The following GIPC2 variants were observed in gnomAD, a reference collection of about 807,000 sequenced individuals.
GIPC2 encodes the protein GIPC PDZ domain containing family member 2, also known as PDZ domain-containing protein GIPC2.
In GIPC2, 30 loss-of-function variants were observed where a neutral mutation model predicts 30.6. The ratio of observed to expected loss-of-function variants is 0.98; its 90% CI spans 0.73 to 1.33. GIPC2 has a LOEUF of 1.33. Ranked by LOEUF, GIPC2 falls within the 40% of genes most tolerant of loss-of-function variation. The pLI, the probability that GIPC2 is intolerant of heterozygous loss-of-function variation, is 0.00. For synonymous variants in GIPC2, 167 were observed against 150.0 expected (o/e 1.11, Z -0.83); for missense variants, 414 against 390.3 (o/e 1.06, Z -0.51).
At chr1:78,112,305 A>G (rs1662480089) in intron 3 of GIPC2, among the ~76,000 whole-genome samples, 1 of 152,068 alleles carries the variant, frequency 6.6e-6, no homozygotes, top group South Asian at 2.1e-4. Flanking sequence ...CCCCTTTACA[A>G]CTATTTCCAG....
intron 1 of GIPC2, among the ~76,000 whole-genome samples, chr1:78,051,657 G>A (rs192464121): frequency 7.3e-4 from 111 of 152,180 alleles, no homozygotes; most frequent in African/African-American, 2.4e-3. Flanking sequence ...ATGCCACCAT[G>A]CCCAGCTAAT....
chr1:78,045,439 G>A (rs77611954), upstream of GIPC2: 8,868 of 374,692 alleles, frequency 0.024, 130 homozygotes, highest in Non-Finnish European at 0.029. Flanking sequence ...CAGAGCTGGG[G>A]CAAATGGCTT....
At chr1:78,127,125 T>A (rs1662797458) in intron 5 of GIPC2, among the ~76,000 whole-genome samples, 1 of 152,242 alleles carries the variant, frequency 6.6e-6, no homozygotes. Context: ...TCTACATTTT[T>A]TAAAGGTAAG....
At chr1:78,094,264 G>C (rs1423076101) in intron 2 of GIPC2, among the ~76,000 whole-genome samples, 2 of 152,222 alleles carry the variant, frequency 1.3e-5, no homozygotes, top group Non-Finnish European at 2.9e-5. Context: ...AAATGATTCA[G>C]TAATCACTAA....
chr1:78,120,477 C>T (rs1235265629), intron 4 of GIPC2, among the ~76,000 whole-genome samples: 1 of 152,150 alleles, frequency 6.6e-6, no homozygotes, highest in African/African-American at 2.4e-5. Context: ...CTCCCTCCAC[C>T]CCTCCCACTG....
chr1:78,065,545 CTG>C (rs1203644033), intron 1 of GIPC2, among the ~76,000 whole-genome samples: 2 of 147,410 alleles, frequency 1.4e-5, no homozygotes, highest in African/African-American at 2.5e-5. Flanking sequence ...AAAAAAAAAA[CTG>C]TTTTAAAATT....
At chr1:78,099,631 G>A (rs1662202449) in intron 3 of GIPC2, among the ~76,000 whole-genome samples, 1 of 151,888 alleles carries the variant, frequency 6.6e-6, no homozygotes, top group Admixed American at 6.6e-5. Flanking sequence ...GTAGAGACAG[G>A]GTTTCATTGT....
chr1:78,104,730 CAAT>C (rs1238219994), intron 3 of GIPC2, among the ~76,000 whole-genome samples: 5 of 152,074 alleles, frequency 3.3e-5, no homozygotes, highest in Non-Finnish European at 5.9e-5. Context: ...CCTGTGATAA[CAAT>C]GATGCTATAA....
chr1:78,100,941 T>C lies in GIPC2; in HGVS notation c.607+5809T>C, dbSNP rs3960037. Among the ~76,000 whole-genome samples, 58 of 114,872 alleles carry C rather than the reference T, an allele frequency of 5.0e-4. 1 individual carries two copies. Among genetic ancestry groups the C allele is most frequent in the Non-Finnish European group, 9.2e-4 (52 of 56,574 alleles). 75.4% of individuals were successfully genotyped at this position (114,872 alleles called of 152,430 possible). On this transcript the variant is annotated intron_variant, in intron 3 of 5. Transcript: ENST00000370759. The stretch of plus-strand genomic sequence containing the variant: ...TGAGACCCTGTCAAAAAAAAAAAAA[T>C]ACACACACACACACACACACACACA...
At chr1:78,104,953 A>G (rs375628539) in intron 3 of GIPC2, among the ~76,000 whole-genome samples, 2 of 152,172 alleles carry the variant, frequency 1.3e-5, no homozygotes, top group African/African-American at 2.4e-5. Context: ...GCCTCTTCGT[A>G]TCTAGCTACA....
chr1:78,074,975 A>G (rs971233876), intron 1 of GIPC2, among the ~76,000 whole-genome samples: 1 of 152,242 alleles, frequency 6.6e-6, no homozygotes, highest in African/African-American at 2.4e-5. Flanking sequence ...TAATGATTCT[A>G]TCAGTTAGGA....
Position 78,051,272 on chromosome 1 carries a change from A to G in GIPC2, c.240+4938A>G, listed in dbSNP as rs145418958. Reference sequence around the variant, plus strand: ...GAAATATTATTAACAAAAAAAAGATAAATTTTATAGTTAGAAATTTTACAT... The same window carrying G: ...GAAATATTATTAACAAAAAAAAGATGAATTTTATAGTTAGAAATTTTACAT... On this transcript the variant is annotated intron_variant, in intron 1 of 5. Coordinates refer to ENST00000370759, the MANE Select transcript of GIPC2 (RefSeq NM_017655.6). Among the ~76,000 whole-genome samples, 890 of 152,196 alleles carry G rather than the reference A, an allele frequency of 5.8e-3. 13 individuals carry two copies. The highest frequency in any genetic ancestry group is 0.021 in the African/African-American group (856 of 41,528).
intron 1 of GIPC2, among the ~76,000 whole-genome samples, chr1:78,055,368 T>A (rs1661269589): frequency 6.6e-6 from 1 of 152,174 alleles, no homozygotes; most frequent in Non-Finnish European, 1.5e-5. Flanking sequence ...AATATTTATA[T>A]TAAAATGTAT....
rs528878215 is a variant in GIPC2, at chr1:78,078,698, A to G, written c.241-1977A>G. Among the ~76,000 whole-genome samples, 10 of 152,066 alleles carry G rather than the reference A, an allele frequency of 6.6e-5. No homozygotes were observed. The South Asian group carries it at 2.1e-3, about 32-fold the overall frequency. ...TCATTAGAAGTTCAGTTTGTGTGAG[A>G]TTTCCTTTTTTTCCTTTTTGTTTTT... On this transcript the variant is annotated intron_variant, in intron 1 of 5. Coordinates refer to ENST00000370759, the MANE Select transcript of GIPC2 (RefSeq NM_017655.6).
intron 1 of GIPC2, among the ~76,000 whole-genome samples, chr1:78,060,214 C>T (rs1661367273): frequency 6.6e-6 from 1 of 151,520 alleles, no homozygotes; most frequent in Non-Finnish European, 1.5e-5. Context: ...CAGTGATCAT[C>T]ACTTACTGAA....
At chr1:78,047,092 T>G (rs6424664) in intron 1 of GIPC2, among the ~76,000 whole-genome samples, 139,032 of 152,276 alleles carry the variant, frequency 0.91, 63,653 homozygotes, top group African/African-American at 0.95. Context: ...TAATTAGATT[T>G]CATGGGGGCC....
chr1:78,080,978 G>T, intron 2 of GIPC2, 118 bp downstream of exon 2: 1 of 494,062 alleles, frequency 2.0e-6, no homozygotes, highest in East Asian at 3.3e-5. Context: ...AAGGATGCAT[G>T]AATTGGTAAT....
intron 1 of GIPC2, among the ~76,000 whole-genome samples, chr1:78,063,781 A>G (rs557988703): frequency 9.7e-4 from 147 of 151,512 alleles, no homozygotes; most frequent in African/African-American, 3.5e-3. Flanking sequence ...CTACTCAGCT[A>G]CTCAGGAGGC....
chr1:78,095,585 A>G (rs1252088271), intron 3 of GIPC2, among the ~76,000 whole-genome samples: 1 of 152,126 alleles, frequency 6.6e-6, no homozygotes, highest in Non-Finnish European at 1.5e-5. Context: ...CCCTTCCCCA[A>G]TACCTTTCCT....
Sources: gnomAD v4.1 joint callset for allele counts (sites outside exome capture counted in the v4.1 genomes callset) on GRCh38, gnomAD v4.1.1 for gene constraint, MANE v1.5 for transcripts, NCBI Gene and HGNC (gene_info 2026-07-23, HGNC 2026-07-21) for gene names.